The following ADTRP variants were observed in gnomAD, a reference collection of about 807,000 sequenced individuals.
ADTRP encodes the protein androgen-dependent TFPI-regulating protein.
A neutral mutation model predicts 27.0 loss-of-function variants in ADTRP; 20 were observed. That is an observed-to-expected ratio of 0.74 (90% CI 0.52 to 1.08). The LOEUF is 1.08. Ranked by LOEUF, ADTRP falls within the 50% of genes least tolerant of loss-of-function variation. ADTRP has a pLI of 0.00. For synonymous variants in ADTRP, 101 were observed against 105.2 expected, an observed-to-expected ratio of 0.96 and a Z score of 0.25; for missense variants, 251 against 275.0, an observed-to-expected ratio of 0.91 and a Z score of 0.62.
At chr6:11,748,125 G>A (rs571338864) in intron 3 of ADTRP, among the ~76,000 whole-genome samples, 22 of 152,162 alleles carry the variant, frequency 1.4e-4, no homozygotes, top group Non-Finnish European at 2.5e-4. Context: ...CTCTTTGAAC[G>A]TAAGTCAGTC....
intron 4 of ADTRP, among the ~76,000 whole-genome samples, chr6:11,730,523 G>C (rs372566157): frequency 6.6e-6 from 1 of 152,202 alleles, no homozygotes; most frequent in Non-Finnish European, 1.5e-5. Context: ...AAGGTGGCTG[G>C]TCCTGGAACT....
chr6:11,730,597 G>T (rs1561747001), intron 4 of ADTRP, among the ~76,000 whole-genome samples: 3 of 152,324 alleles, frequency 2.0e-5, no homozygotes, highest in African/African-American at 7.2e-5. Context: ...ACATGTATTT[G>T]TAAATGAGGC....
rs1364242741 is a variant in ADTRP at position 11,765,319 on chromosome 6, GTTTGTTTTTTT to G, written c.390+944_390+954del. On this transcript the variant is annotated intron_variant, in intron 3 of 5. Coordinates refer to ENST00000414691, the MANE Select transcript of ADTRP (RefSeq NM_032744.4). ...GCCACTTCCTTGTGCCTTTCCCCTGGTTTGTTTTTTTTTTTTTTTTTTTTTGAGGCAGAGTT... is the reference window on the plus strand; with the variant it reads ...GCCACTTCCTTGTGCCTTTCCCCTGGTTTTTTTTTTTTTTGAGGCAGAGTT... Among the ~76,000 whole-genome samples the G allele has an allele frequency of 1.2e-4, 13 of 112,554 alleles. No individual in the cohort carries two copies. In the East Asian group the frequency reaches 4.4e-3, roughly 38 times the overall value. The allele number at this position is 112,554 out of a possible 152,430, so 73.8% of individuals were successfully genotyped here. A position where few individuals can be genotyped will look rare whatever the true frequency, so the allele number is the denominator to read the frequency against.
chr6:11,717,680 G>C (rs983498497), intron 5 of ADTRP, among the ~76,000 whole-genome samples: 2 of 152,226 alleles, frequency 1.3e-5, no homozygotes, highest in African/African-American at 4.8e-5. Context: ...AGAGAAATGA[G>C]ATCTGAGCAC....
chr6:11,736,111 T>C (rs956204493), intron 3 of ADTRP: 12 of 166,010 alleles, frequency 7.2e-5, no homozygotes, highest in African/African-American at 2.4e-4. Flanking sequence ...TACAGGCATG[T>C]GCTACCAAGC....
At chr6:11,764,029 C>T (rs965714142) in intron 3 of ADTRP, among the ~76,000 whole-genome samples, 2 of 152,226 alleles carry the variant, frequency 1.3e-5, no homozygotes, top group Non-Finnish European at 2.9e-5. Context: ...CTCTCCTTGT[C>T]ACCATTGTTC....
intron 4 of ADTRP, among the ~76,000 whole-genome samples, chr6:11,726,141 GA>G (rs1216148533): frequency 3.3e-5 from 5 of 152,166 alleles, no homozygotes; most frequent in African/African-American, 1.2e-4. Context: ...GTCGTAAAAG[GA>G]CAAATACTGT....
At chr6:11,719,147 A>G (rs1234075853) in intron 5 of ADTRP, among the ~76,000 whole-genome samples, 1 of 152,192 alleles carries the variant, frequency 6.6e-6, no homozygotes, top group Non-Finnish European at 1.5e-5. Context: ...AGGATGCCGT[A>G]GACAGAATTA....
intron 5 of ADTRP, among the ~76,000 whole-genome samples, chr6:11,718,596 A>G (rs1761910018): frequency 6.6e-6 from 1 of 152,194 alleles, no homozygotes; most frequent in South Asian, 2.1e-4. Context: ...CAAGCTCTCA[A>G]TGTCTTGCCA....
At chr6:11,732,308 G>A (rs1042980567) in intron 4 of ADTRP, among the ~76,000 whole-genome samples, 2 of 152,116 alleles carry the variant, frequency 1.3e-5, no homozygotes, top group African/African-American at 4.8e-5. Context: ...CGTTTCTCAC[G>A]CTCCCTCTGG....
intron 3 of ADTRP, among the ~76,000 whole-genome samples, chr6:11,749,094 G>A (rs1490275561): frequency 6.6e-6 from 1 of 152,190 alleles, no homozygotes; most frequent in African/African-American, 2.4e-5. Flanking sequence ...ATGTGGCCAC[G>A]AGGGTGTTGG....
intron 1 of ADTRP, among the ~76,000 whole-genome samples, chr6:11,773,279 G>C (rs1379455125): frequency 6.6e-6 from 1 of 152,160 alleles, no homozygotes; most frequent in African/African-American, 2.4e-5. Context: ...TGTATGTTTG[G>C]TATTTTACAC....
At chr6:11,742,914 T>A (rs557358343) in intron 3 of ADTRP, among the ~76,000 whole-genome samples, 1 of 152,232 alleles carries the variant, frequency 6.6e-6, no homozygotes, top group Non-Finnish European at 1.5e-5. Flanking sequence ...TATTCTTTGT[T>A]TAAAGCCTCA....
chr6:11,723,648 T>A, intron 4 of ADTRP, 148 bp from the exon 5 acceptor site: 1 of 884,114 alleles, frequency 1.1e-6, no homozygotes. Context: ...CCCACAAACC[T>A]AAAGAAGTGA....
intron 4 of ADTRP, 69 bp downstream of exon 4, chr6:11,735,499 A>C (rs1250936967): frequency 9.0e-7 from 1 of 1,109,376 alleles, no homozygotes; most frequent in African/African-American, 1.5e-5. Context: ...AGAACAGTAC[A>C]CATTTCTGGA....
chr6:11,716,596 C>T (rs9366875), intron 5 of ADTRP, among the ~76,000 whole-genome samples: 9,526 of 152,226 alleles, frequency 0.063, 820 homozygotes, highest in East Asian at 0.47. Flanking sequence ...TTTCTTTTTG[C>T]TTCTAGCAGC....
chr6:11,769,177 A>C lies in ADTRP; in HGVS notation c.154-794T>G, dbSNP rs549314434. Among the ~76,000 whole-genome samples the C allele has an allele frequency of 9.2e-5, 14 of 152,262 alleles. No individual in the cohort carries two copies. In the Middle Eastern group the frequency reaches 0.014, roughly 148 times the overall value. ...CTCATTTAAGAACTGGTAGGTCATG[A>C]AGATATGGAGTTTGGGGGGTGGGGT... On this transcript the variant is annotated intron_variant, in intron 1 of 5. Transcript: ENST00000414691.
At chr6:11,756,235 A>G (rs560009601) in intron 3 of ADTRP, among the ~76,000 whole-genome samples, 1 of 152,266 alleles carries the variant, frequency 6.6e-6, no homozygotes, top group Admixed American at 6.5e-5. Flanking sequence ...GCATGTGCCC[A>G]TGTGCCTGTA....
chr6:11,719,824 G>A (rs1761958794), intron 5 of ADTRP, among the ~76,000 whole-genome samples: 1 of 152,204 alleles, frequency 6.6e-6, no homozygotes, highest in South Asian at 2.1e-4. Context: ...TTGCAGCTGG[G>A]AAACTGGTAA....
Sources: allele counts gnomAD v4.1 joint callset (sites outside exome capture counted in the v4.1 genomes callset), GRCh38; gene constraint gnomAD v4.1.1; transcripts MANE v1.5; gene names NCBI Gene and HGNC (gene_info 2026-07-23, HGNC 2026-07-21).